The following HMGN5 variants were observed in gnomAD, a reference collection of about 807,000 sequenced individuals.
The protein encoded by HMGN5 is high mobility group nucleosome binding domain 5, also known as high mobility group nucleosome-binding domain-containing protein 5.
A neutral mutation model predicts 9.5 loss-of-function variants in HMGN5; 4 were observed. That is an observed-to-expected ratio of 0.42 (90% CI 0.21 to 0.96). The LOEUF is 0.96. Among genes scored for constraint, HMGN5 ranks in the 40% least tolerant of loss-of-function variants. The pLI, the probability that HMGN5 is intolerant of heterozygous loss-of-function variation, is 0.30. For missense variants in HMGN5, 192 were observed against 187.5 expected (o/e 1.02, Z -0.14); for synonymous variants, 55 against 57.1 (o/e 0.96, Z 0.16).
chrX:81,140,135 T>C (rs2075324109), intron 1 of HMGN5, among the ~76,000 whole-genome samples: 1 of 111,735 alleles, frequency 8.9e-6, no homozygotes, highest in Non-Finnish European at 1.9e-5. Flanking sequence ...GGACTTTGTC[T>C]TGTATCTTGG....
In HMGN5 at chrX:81,146,610, A is replaced by G. The variant is rs188025215; in HGVS notation, c.-123-24938T>C. Among the ~76,000 whole-genome samples, 7 of 111,930 alleles carry G rather than the reference A, an allele frequency of 6.3e-5. No individual in the cohort carries two copies. The East Asian group carries it at 2.0e-3, about 32-fold the overall frequency. On this transcript the variant is annotated intron_variant, in intron 1 of 6. Transcript: ENST00000358130. Reference sequence around the variant, plus strand: ...GAACAAAAGAAACAAGAGCAAACACATTCAAAAGCTAGCAGAAGACAAGAA... The same window carrying G: ...GAACAAAAGAAACAAGAGCAAACACGTTCAAAAGCTAGCAGAAGACAAGAA...
rs2075247920 is a variant in HMGN5 at position 81,114,753 on chromosome X, CT to C, written c.744del (p.Ala249LeufsTer8). The C allele has an allele frequency of 8.6e-7, 1 of 1,160,002 alleles. No individual in the cohort carries two copies. ...GKEDEGGNEE[E>X]AGKEKEDLKE... ...TTTAAATCTTCTTTCTCTTTTCCAG[CT>C]TCTTCCTCATTTCCACCTTCATCTT... On this transcript the variant is annotated frameshift_variant, in exon 7 of 7. Coordinates refer to ENST00000358130, the MANE Select transcript of HMGN5 (RefSeq NM_030763.3). LOFTEE classifies it low-confidence loss of function (END_TRUNC).
chrX:81,121,416 T>C, intron 2 of HMGN5, 119 bp downstream of exon 2: 1 of 724,307 alleles, frequency 1.4e-6, no homozygotes, highest in Non-Finnish European at 2.2e-6. Flanking sequence ...TTTCATTACA[T>C]CACAAAATGG....
At chrX:81,180,263 G>A (rs946265616) in intron 1 of HMGN5, among the ~76,000 whole-genome samples, 2 of 111,380 alleles carry the variant, frequency 1.8e-5, no homozygotes, top group Non-Finnish European at 3.8e-5. Flanking sequence ...AGAGTGAACA[G>A]GCAACCTACA....
intron 5 of HMGN5, 101 bp downstream of exon 5, chrX:81,118,331 C>A: frequency 2.1e-6 from 1 of 471,213 alleles, no homozygotes; most frequent in Non-Finnish European, 3.5e-6. Flanking sequence ...ACTAACTGAA[C>A]AAAATATAAG....
chrX:81,179,364 C>A (rs1359926155), intron 1 of HMGN5, among the ~76,000 whole-genome samples: 1 of 111,746 alleles, frequency 8.9e-6, no homozygotes, highest in Non-Finnish European at 1.9e-5. Flanking sequence ...TCTCAGGATA[C>A]AAAATCAAAG....
intron 1 of HMGN5, chrX:81,195,303 A>T (rs2075504942): frequency 9.0e-6 from 1 of 111,554 alleles, no homozygotes; most frequent in Non-Finnish European, 1.9e-5. Flanking sequence ...AGCATCTAGT[A>T]CGGGAGAAAG....
chrX:81,167,560 A>G (rs1188388718), intron 1 of HMGN5, among the ~76,000 whole-genome samples: 1 of 111,651 alleles, frequency 9.0e-6, no homozygotes, highest in Admixed American at 9.6e-5. Context: ...TTATTTTTCT[A>G]TCTTATACTT....
intron 1 of HMGN5, among the ~76,000 whole-genome samples, chrX:81,191,946 C>G (rs2075495322): frequency 9.0e-6 from 1 of 111,147 alleles, no homozygotes; most frequent in African/African-American, 3.3e-5. Flanking sequence ...AGGGTACCAA[C>G]ACACACTATT....
intron 1 of HMGN5, among the ~76,000 whole-genome samples, chrX:81,184,625 CTTGAT>C (rs2075472258): frequency 9.2e-6 from 1 of 108,824 alleles, no homozygotes; most frequent in African/African-American, 3.4e-5. Flanking sequence ...AGCTTTTTAA[CTTGAT>C]TTGATATCAT....
intron 1 of HMGN5, among the ~76,000 whole-genome samples, chrX:81,144,365 A>G (rs1198752195): frequency 9.0e-6 from 1 of 111,616 alleles, no homozygotes; most frequent in African/African-American, 3.3e-5. Context: ...CAGGGTCTGG[A>G]GTGGACCTCC....
chrX:81,129,154 C>G (rs1268957828), intron 1 of HMGN5, among the ~76,000 whole-genome samples: 1 of 110,951 alleles, frequency 9.0e-6, no homozygotes, highest in Non-Finnish European at 1.9e-5. Flanking sequence ...GACGCCAAAT[C>G]AGAAAATAGG....
intron 1 of HMGN5, among the ~76,000 whole-genome samples, chrX:81,186,120 G>T (rs755722676): frequency 1.9e-4 from 21 of 111,182 alleles, no homozygotes; most frequent in Non-Finnish European, 3.4e-4. Context: ...AGCAATACTG[G>T]CCTCATAGAA....
At chrX:81,145,342 C>T (rs1267416967) in intron 1 of HMGN5, among the ~76,000 whole-genome samples, 1 of 111,750 alleles carries the variant, frequency 8.9e-6, no homozygotes, top group African/African-American at 3.3e-5. Flanking sequence ...AGAGTGGGGA[C>T]CAGTATTCAA....
At chrX:81,115,838 T>A (rs1167624588) in intron 6 of HMGN5, among the ~76,000 whole-genome samples, 1 of 112,062 alleles carries the variant, frequency 8.9e-6, no homozygotes, top group Non-Finnish European at 1.9e-5. Context: ...TGATTTGCTT[T>A]GCCATCCACA....
intron 1 of HMGN5, among the ~76,000 whole-genome samples, chrX:81,126,972 TG>T (rs1163586490): frequency 3.6e-5 from 4 of 111,682 alleles, no homozygotes; most frequent in African/African-American, 1.3e-4. Flanking sequence ...TTGATATCTA[TG>T]TTTTTTTGCA....
chrX:81,191,626 G>T (rs2075494487), intron 1 of HMGN5, among the ~76,000 whole-genome samples: 1 of 111,877 alleles, frequency 8.9e-6, no homozygotes, highest in Non-Finnish European at 1.9e-5. Flanking sequence ...AGGCAATCTT[G>T]TGTATGCAGT....
intron 1 of HMGN5, among the ~76,000 whole-genome samples, chrX:81,165,066 G>T (rs981102857): frequency 9.0e-6 from 1 of 111,140 alleles, no homozygotes; most frequent in African/African-American, 3.3e-5. Context: ...ATAGTGGAAA[G>T]GTCATCGATT....
At chrX:81,169,241 T>C (rs930239537) in intron 1 of HMGN5, among the ~76,000 whole-genome samples, 1 of 111,661 alleles carries the variant, frequency 9.0e-6, no homozygotes, top group East Asian at 2.8e-4. Context: ...TGTGATTTGG[T>C]ATGTGAGAAT....
Sources: allele counts gnomAD v4.1 joint callset (sites outside exome capture counted in the v4.1 genomes callset), GRCh38; gene constraint gnomAD v4.1.1; transcripts MANE v1.5; gene names NCBI Gene and HGNC (gene_info 2026-07-23, HGNC 2026-07-21).